Variants in GOLM1 observed in about 807,000 individuals in gnomAD.
GOLM1 encodes the protein golgi membrane protein 1.
GOLM1 carries 31 observed loss-of-function variants against 50.5 expected under a neutral mutation model. The ratio of observed to expected loss-of-function variants is 0.61; its 90% CI spans 0.46 to 0.83. The LOEUF (loss-of-function observed/expected upper bound fraction) is 0.83, where lower values mean the gene tolerates loss of function less well. Among genes scored for constraint, GOLM1 ranks in the 40% least tolerant of loss-of-function variants. The pLI is 0.00. For synonymous variants in GOLM1, 178 were observed against 192.8 expected (o/e 0.92, Z 0.64); for missense variants, 491 against 501.3 (o/e 0.98, Z 0.20).
intron 2 of GOLM1, among the ~76,000 whole-genome samples, chr9:86,078,732 TA>T (rs1277891704): frequency 6.6e-6 from 1 of 152,194 alleles, no homozygotes; most frequent in Non-Finnish European, 1.5e-5. Context: ...ATGAGGAAGT[TA>T]AAATTATTAT....
intron 3 of GOLM1, among the ~76,000 whole-genome samples, chr9:86,062,588 CAG>C (rs1834192972): frequency 2.8e-5 from 4 of 144,328 alleles, no homozygotes; most frequent in African/African-American, 1.0e-4. Context: ...AGGAGAGAGA[CAG>C]GGTCTGGAGG....
chr9:86,036,540 C>G (rs200057675), intron 6 of GOLM1, 33 bp from the exon 7 acceptor site: 1 of 1,609,726 alleles, frequency 6.2e-7, no homozygotes, highest in East Asian at 2.2e-5. Flanking sequence ...CCAGCCAGGG[C>G]AGGGCTCTGT....
intron 5 of GOLM1, among the ~76,000 whole-genome samples, chr9:86,042,930 T>C (rs1248984413): frequency 6.6e-6 from 1 of 152,196 alleles, no homozygotes; most frequent in Admixed American, 6.5e-5. Context: ...TGGCTTTTTC[T>C]TACATGTAAG....
chr9:86,084,876 C>T (rs1342289553), intron 1 of GOLM1: 1 of 152,146 alleles, frequency 6.6e-6, no homozygotes, highest in Non-Finnish European at 1.5e-5. Flanking sequence ...GGTGAAACCC[C>T]ATCTCTACTA....
chr9:86,094,463 T>A (rs1158256122), intron 1 of GOLM1, among the ~76,000 whole-genome samples: 2 of 152,192 alleles, frequency 1.3e-5, no homozygotes, highest in Admixed American at 6.5e-5. Context: ...ATGAACACCA[T>A]CTTTTCCCCA....
At chr9:86,076,450 A>AAAAAAC (rs1834617943) in intron 3 of GOLM1, among the ~76,000 whole-genome samples, 1 of 143,386 alleles carries the variant, frequency 7.0e-6, no homozygotes, top group Non-Finnish European at 1.5e-5. Flanking sequence ...AAAAAAAAAA[A>AAAAAAC]AAAAGCCAAA....
intron 6 of GOLM1, among the ~76,000 whole-genome samples, chr9:86,038,783 TAATTA>T (rs1413709729): frequency 1.3e-5 from 2 of 152,174 alleles, no homozygotes; most frequent in African/African-American, 2.4e-5. Flanking sequence ...CCATATGCAA[TAATTA>T]AATTAACTGA....
intron 9 of GOLM1, among the ~76,000 whole-genome samples, chr9:86,030,523 A>G (rs139056152): frequency 6.6e-6 from 1 of 152,316 alleles, no homozygotes; most frequent in Non-Finnish European, 1.5e-5. Context: ...TCAGACAAGC[A>G]CAGATTGAGG....
intron 5 of GOLM1, among the ~76,000 whole-genome samples, chr9:86,046,187 AAC>A (rs1355185071): frequency 3.9e-5 from 6 of 152,218 alleles, no homozygotes; most frequent in Non-Finnish European, 8.8e-5. Flanking sequence ...GCACCTATGA[AAC>A]ACATTTTTAA....
Position 86,027,841 on chromosome 9 carries a change from A to G in GOLM1, c.1182T>C (p.Arg394=). 1 of 1,613,056 alleles carries G rather than the reference A, an allele frequency of 6.2e-7. No homozygotes were observed. The highest frequency in any genetic ancestry group is 8.5e-7 in the Non-Finnish European group (1 of 1,179,178). Residue 394 remains arginine (R), a synonymous_variant, in exon 10 of 10, where the codon CGT becomes CGC. Coordinates refer to ENST00000388712, the MANE Select transcript of GOLM1 (RefSeq NM_016548.4). ...TTCAGAGTGTATGATTCCGCTTTTC[A>G]CGCTGATCAAGTAAATTTATGGTGT... ...KRDTINLLDQ[R]EKRNHTL is the part of the protein sequence containing the mutation.
At chr9:86,081,489 C>T (rs1281062635) in intron 1 of GOLM1, among the ~76,000 whole-genome samples, 1 of 152,120 alleles carries the variant, frequency 6.6e-6, no homozygotes, top group Non-Finnish European at 1.5e-5. Context: ...AGCCACCGTG[C>T]CCAGCTAACC....
chr9:86,040,704 C>CAAGAGT lies in GOLM1; in HGVS notation c.597+34_597+35insACTCTT. On this transcript the variant is annotated intron_variant, in intron 6 of 9. Coordinates refer to ENST00000388712, the MANE Select transcript of GOLM1 (RefSeq NM_016548.4). ...ACAAAATGCCTGAAGATAGGGGTAC[C>CAAGAGT]TTCTAGAAACTCTTGGCAAAAATTC... 1.9e-6 allele frequency: 3 copies of CAAGAGT among 1,596,686 alleles called. No homozygotes were observed. In the East Asian group the frequency reaches 6.7e-5, roughly 36 times the overall value.
chr9:86,078,354 C>A (rs73650922), intron 2 of GOLM1, among the ~76,000 whole-genome samples: 6,429 of 152,254 alleles, frequency 0.042, 470 homozygotes, highest in African/African-American at 0.15. Flanking sequence ...CCGAACACAT[C>A]AAAGACAGCT....
At chr9:86,036,773 G>A (rs1363927466) in intron 6 of GOLM1, 3 of 446,590 alleles carry the variant, frequency 6.7e-6, no homozygotes, top group South Asian at 7.8e-5. Context: ...AGCATTTACG[G>A]AATAATAAAA....
At chr9:86,069,199 C>T (rs1385399039) in intron 3 of GOLM1, among the ~76,000 whole-genome samples, 1 of 151,594 alleles carries the variant, frequency 6.6e-6, no homozygotes, top group Non-Finnish European at 1.5e-5. Flanking sequence ...GTGAGAACTA[C>T]AGGTGAATTT....
At chr9:86,056,236 A>G (rs1641971542) in intron 3 of GOLM1, among the ~76,000 whole-genome samples, 2 of 150,990 alleles carry the variant, frequency 1.3e-5, no homozygotes, top group South Asian at 4.2e-4. Flanking sequence ...ATGTGACTTT[A>G]TTCTTCCAAA....
intron 3 of GOLM1, among the ~76,000 whole-genome samples, chr9:86,068,719 A>G (rs1023312101): frequency 6.6e-6 from 1 of 152,238 alleles, no homozygotes; most frequent in South Asian, 2.1e-4. Flanking sequence ...GGGTTTAACT[A>G]TGTTTGGGGA....
intron 1 of GOLM1, among the ~76,000 whole-genome samples, chr9:86,089,705 G>A (rs569793357): frequency 3.2e-4 from 49 of 152,196 alleles, no homozygotes; most frequent in African/African-American, 1.1e-3. Context: ...GTTAGAACAT[G>A]CTCCTTTAGC....
chr9:86,097,889 C>CA (rs1395890212), intron 1 of GOLM1, among the ~76,000 whole-genome samples: 2 of 152,132 alleles, frequency 1.3e-5, no homozygotes, highest in African/African-American at 4.8e-5. Context: ...TCAACAACAA[C>CA]AACAACAGCG....
Sources: allele counts gnomAD v4.1 joint callset (sites outside exome capture counted in the v4.1 genomes callset), GRCh38; gene constraint gnomAD v4.1.1; transcripts MANE v1.5; gene names NCBI Gene and HGNC (gene_info 2026-07-23, HGNC 2026-07-21).